AKAP6: variants seen among roughly 807,000 people sequenced by gnomAD.
AKAP6 encodes the protein A-kinase anchor protein 6.
A neutral mutation model predicts 188.5 loss-of-function variants in AKAP6; 58 were observed. The ratio of observed to expected loss-of-function variants is 0.31; its 90% CI spans 0.25 to 0.38. The LOEUF is 0.38. Ranked by LOEUF, AKAP6 falls within the 10% of genes least tolerant of loss-of-function variation. The pLI is 1.00. For synonymous variants in AKAP6, 989 were observed against 998.6 expected, an observed-to-expected ratio of 0.99 and a Z score of 0.18; for missense variants, 2,710 against 2,740.0, an observed-to-expected ratio of 0.99 and a Z score of 0.24.
intron 2 of AKAP6, among the ~76,000 whole-genome samples, chr14:32,492,714 T>A (rs1360324444): frequency 6.6e-6 from 1 of 152,042 alleles, no homozygotes; most frequent in Admixed American, 6.6e-5. Flanking sequence ...TTAAAAAAAA[T>A]TCTCCATGGG....
chr14:32,571,900 C>T (rs1884505014), intron 4 of AKAP6, among the ~76,000 whole-genome samples: 2 of 152,142 alleles, frequency 1.3e-5, no homozygotes, highest in African/African-American at 4.8e-5. Flanking sequence ...ATTTTCTGTG[C>T]CTTAGAAATG....
intron 12 of AKAP6, among the ~76,000 whole-genome samples, chr14:32,796,288 A>G (rs2033765304): frequency 6.6e-6 from 1 of 152,248 alleles, no homozygotes; most frequent in Non-Finnish European, 1.5e-5. Flanking sequence ...TTAAAAATTC[A>G]TATGGAACCA....
intron 1 of AKAP6, among the ~76,000 whole-genome samples, chr14:32,416,421 A>G (rs1300141960): frequency 6.6e-6 from 1 of 152,128 alleles, no homozygotes; most frequent in African/African-American, 2.4e-5. Flanking sequence ...TTTTTGATAT[A>G]TTCTTGATAT....
Position 32,545,813 on chromosome 14 carries a change from C to T in AKAP6, c.1160C>T (p.Pro387Leu), listed in dbSNP as rs1341727513. Residue 387 changes from proline (P) to leucine (L), a missense_variant, in exon 4 of 14, where the codon CCT becomes CTT. By Grantham distance (98) the Pro-to-Leu change is moderately conservative (BLOSUM62 -3). Transcript: ENST00000280979. The part of the protein sequence containing the change: ...FNYNEDSPTQ[P>L]TLPKRGLFLK... ...TATAACGAGGACTCTCCCACGCAGC[C>T]TACATTGCCAAAAAGAGGACTTTTT... 1 of 1,614,188 alleles carries T rather than the reference C, an allele frequency of 6.2e-7. No homozygotes were observed. The highest frequency in any genetic ancestry group is 2.2e-5 in the East Asian group (1 of 44,880).
At chr14:32,715,625 GA>G (rs919706728) in intron 9 of AKAP6, among the ~76,000 whole-genome samples, 19 of 151,830 alleles carry the variant, frequency 1.3e-4, no homozygotes, top group South Asian at 4.2e-4. Context: ...ATTTTAGGGG[GA>G]AAAAAACCTC....
intron 7 of AKAP6, among the ~76,000 whole-genome samples, chr14:32,674,322 A>G (rs1006568333): frequency 1.3e-5 from 2 of 152,200 alleles, no homozygotes; most frequent in African/African-American, 4.8e-5. Context: ...CATGTTTTAT[A>G]AAGACTACTT....
At chr14:32,443,406 AC>A (rs757536310) in intron 2 of AKAP6, among the ~76,000 whole-genome samples, 38 of 109,892 alleles carry the variant, frequency 3.5e-4, no homozygotes, top group African/African-American at 2.6e-3. Flanking sequence ...ACAAAACAAA[AC>A]AAAAAAAAAA....
At chr14:32,626,318 C>A (rs779087200) in intron 7 of AKAP6, among the ~76,000 whole-genome samples, 14 of 152,026 alleles carry the variant, frequency 9.2e-5, no homozygotes, top group Non-Finnish European at 2.1e-4. Flanking sequence ...GTGCTAGGGC[C>A]GAGTTATGTC....
chr14:32,696,176 C>G, intron 9 of AKAP6, 66 bp downstream of exon 9: 2 of 1,537,386 alleles, frequency 1.3e-6, no homozygotes, highest in Non-Finnish European at 1.7e-6. Context: ...AAGTCTCTCT[C>G]TCTCTCTCAG....
chr14:32,550,989 A>G (rs912679844), intron 4 of AKAP6, among the ~76,000 whole-genome samples: 1 of 152,166 alleles, frequency 6.6e-6, no homozygotes, highest in African/African-American at 2.4e-5. Context: ...AGATTATGTC[A>G]TCCCTCTGCT....
intron 12 of AKAP6, among the ~76,000 whole-genome samples, chr14:32,779,424 A>AAAAG (rs1162399724): frequency 6.6e-6 from 1 of 150,792 alleles, no homozygotes; most frequent in Non-Finnish European, 1.5e-5. Flanking sequence ...CCAAAAAAAA[A>AAAAG]AAAAAAACAA....
intron 5 of AKAP6, among the ~76,000 whole-genome samples, chr14:32,596,969 G>T (rs191977510): frequency 1.3e-5 from 2 of 152,176 alleles, no homozygotes; most frequent in Admixed American, 1.3e-4. Context: ...ATTATTAATG[G>T]TTAATGGGTG....
At chr14:32,767,006 A>C (rs1201555440) in intron 11 of AKAP6, among the ~76,000 whole-genome samples, 1 of 152,076 alleles carries the variant, frequency 6.6e-6, no homozygotes, top group Admixed American at 6.6e-5. Flanking sequence ...TAGGGGTTCA[A>C]TTCATTCTTT....
intron 1 of AKAP6, among the ~76,000 whole-genome samples, chr14:32,366,799 C>T (rs1429530485): frequency 1.3e-5 from 2 of 151,942 alleles, no homozygotes; most frequent in Admixed American, 1.3e-4. Flanking sequence ...GTATGTTTAG[C>T]CCAAACTATT....
intron 1 of AKAP6, among the ~76,000 whole-genome samples, chr14:32,412,657 G>A (rs1889526463): frequency 6.6e-6 from 1 of 152,112 alleles, no homozygotes; most frequent in Non-Finnish European, 1.5e-5. Flanking sequence ...GAGTTCTTAG[G>A]AAGTGAAGCT....
chr14:32,768,777 C>T (rs1040076025), intron 11 of AKAP6, among the ~76,000 whole-genome samples: 1 of 152,118 alleles, frequency 6.6e-6, no homozygotes, highest in African/African-American at 2.4e-5. Context: ...GTATTGGAAT[C>T]ACCTATAGGG....
chr14:32,473,473 T>C (rs753700003), intron 2 of AKAP6, among the ~76,000 whole-genome samples: 3 of 152,168 alleles, frequency 2.0e-5, no homozygotes, highest in Non-Finnish European at 4.4e-5. Flanking sequence ...CCAGAAAATA[T>C]AATGTTTGCT....
At chr14:32,398,395 CTT>C (rs1167718358) in intron 1 of AKAP6, among the ~76,000 whole-genome samples, 1 of 152,216 alleles carries the variant, frequency 6.6e-6, no homozygotes, top group Non-Finnish European at 1.5e-5. Flanking sequence ...CTTTACCACT[CTT>C]TGCATTTCTT....
intron 12 of AKAP6, among the ~76,000 whole-genome samples, chr14:32,814,185 G>C (rs888754684): frequency 1.3e-5 from 2 of 152,092 alleles, no homozygotes; most frequent in Non-Finnish European, 2.9e-5. Context: ...CCTCTCTAAG[G>C]TTACAGATGA....
Sources: allele counts gnomAD v4.1 joint callset (sites outside exome capture counted in the v4.1 genomes callset), GRCh38; gene constraint gnomAD v4.1.1; transcripts MANE v1.5; gene names NCBI Gene and HGNC (gene_info 2026-07-23, HGNC 2026-07-21).